FARS2: variants seen among roughly 807,000 people sequenced by gnomAD.
FARS2 encodes the protein phenylalanine--tRNA ligase, mitochondrial.
A neutral mutation model predicts 46.4 loss-of-function variants in FARS2; 40 were observed. The ratio of observed to expected loss-of-function variants is 0.86; its 90% confidence interval spans 0.67 to 1.12. The LOEUF is 1.12. Ranked by LOEUF, FARS2 falls within the 50% of genes most tolerant of loss-of-function variation. The probability of loss-of-function intolerance (pLI) is 0.00; values close to 1 mark genes in which losing one functional copy is unlikely to be tolerated. For missense variants in FARS2, 513 were observed against 567.9 expected, an observed-to-expected ratio of 0.90 and a Z score of 0.98; for synonymous variants, 234 against 214.9, an observed-to-expected ratio of 1.09 and a Z score of -0.78.
At chr6:5,354,681 C>T (rs1490232946) in intron 1 of FARS2, among the ~76,000 whole-genome samples, 2 of 151,640 alleles carry the variant, frequency 1.3e-5, no homozygotes, top group Non-Finnish European at 2.9e-5. Context: ...GCCCAGCTAA[C>T]TTTTTGTATT....
chr6:5,341,225 ATATATATATATTTTTT>A (rs1295645973), intron 1 of FARS2, among the ~76,000 whole-genome samples: 1 of 4,872 alleles, frequency 2.1e-4, no homozygotes, highest in African/African-American at 9.4e-4. Flanking sequence ...ATATATATAT[ATATATATATATTTTTT>A]TTTTTTTTTT....
rs539226312 is a variant in FARS2, at chr6:5,311,353, A to G, written c.-22+49693A>G. 9.8e-5 allele frequency among the ~76,000 whole-genome samples: 15 copies of G among 152,302 alleles called. No individual in the cohort carries two copies. The highest frequency in any genetic ancestry group is 3.4e-4 in the African/African-American group (14 of 41,560). On this transcript the variant is annotated intron_variant, in intron 1 of 6. Coordinates refer to ENST00000274680, the MANE Select transcript of FARS2 (RefSeq NM_006567.5). The surrounding 1 kb of genome is among the most constrained non-coding windows in gnomAD (Gnocchi z 4.1). ...AAGGGATCACAGGAAACTTTTAGGA[A>G]AGGTCGCAAAAGCCACTGAGTTGGA...
chr6:5,763,027 A>G (rs745990035), intron 6 of FARS2, among the ~76,000 whole-genome samples: 1 of 152,108 alleles, frequency 6.6e-6, no homozygotes, highest in Non-Finnish European at 1.5e-5. Flanking sequence ...AAGGGAATAG[A>G]TGGAGGGGGC....
intron 1 of FARS2, among the ~76,000 whole-genome samples, chr6:5,299,876 C>T (rs1768169976): frequency 1.3e-5 from 2 of 152,140 alleles, no homozygotes; most frequent in South Asian, 2.1e-4. Flanking sequence ...TTCCAGTTTA[C>T]AGATTATAGG....
rs77812945 is a variant in FARS2, at chr6:5,716,358, G to A, written c.1218-54933G>A. Among the ~76,000 whole-genome samples the A allele has an allele frequency of 1.2e-3, 175 of 152,092 alleles. 3 individuals are homozygous for A. The East Asian group carries it at 0.023, about 20-fold the overall frequency. On this transcript the variant is annotated intron_variant, in intron 6 of 6. Transcript: ENST00000274680. ...TACATTTGGTTAATATTTATCTTGG[G>A]GGTCTTGTTTTTTTTCCAGCTCAGG...
At chr6:5,566,926 A>G (rs1380102064) in intron 5 of FARS2, among the ~76,000 whole-genome samples, 2 of 152,358 alleles carry the variant, frequency 1.3e-5, no homozygotes, top group East Asian at 3.9e-4. Context: ...TGAAACTGTC[A>G]TTGCAAAACT....
intron 4 of FARS2, 95 bp downstream of exon 4, chr6:5,431,267 T>A (rs1173526642): frequency 1.0e-5 from 13 of 1,257,024 alleles, no homozygotes; most frequent in Admixed American, 3.7e-5. Context: ...TTTACATACT[T>A]CTATGCGGGC....
At chr6:5,457,120 G>A (rs534349308) in intron 4 of FARS2, 54 of 152,534 alleles carry the variant, frequency 3.5e-4, no homozygotes, top group African/African-American at 1.3e-3. Context: ...CACGTCAGTG[G>A]GCAAGCTGGC....
At chr6:5,517,463 A>C (rs1162023491) in intron 4 of FARS2, among the ~76,000 whole-genome samples, 2 of 152,036 alleles carry the variant, frequency 1.3e-5, no homozygotes, top group Non-Finnish European at 2.9e-5. Flanking sequence ...AAATACAAAA[A>C]TTAGCCTTGT....
intron 1 of FARS2, among the ~76,000 whole-genome samples, chr6:5,357,759 G>T (rs1758031477): frequency 6.6e-6 from 1 of 152,236 alleles, no homozygotes; most frequent in South Asian, 2.1e-4. Context: ...TAGGAGTCAG[G>T]TGAACCTGGT....
chr6:5,545,073 C>T, intron 4 of FARS2, 107 bp from the exon 5 acceptor site: 2 of 1,074,834 alleles, frequency 1.9e-6, no homozygotes, highest in African/African-American at 1.6e-5. Flanking sequence ...GTGCCTTTGC[C>T]CGCTGGTAGG....
intron 6 of FARS2, among the ~76,000 whole-genome samples, chr6:5,634,077 C>T (rs888209788): frequency 1.3e-5 from 2 of 152,086 alleles, no homozygotes; most frequent in African/African-American, 2.4e-5. Context: ...TCTTATCCAT[C>T]AAAAGATTAT....
intron 1 of FARS2, among the ~76,000 whole-genome samples, chr6:5,314,088 G>A (rs954598300): frequency 2.0e-5 from 3 of 152,148 alleles, no homozygotes; most frequent in South Asian, 2.1e-4. Context: ...TTATGGCATC[G>A]AGGAACCACT....
intron 6 of FARS2, among the ~76,000 whole-genome samples, chr6:5,735,564 G>A (rs1347540713): frequency 5.3e-5 from 8 of 152,324 alleles, no homozygotes; most frequent in Admixed American, 3.9e-4. Flanking sequence ...AAGATGTGAA[G>A]TGTCAGCACA....
chr6:5,257,201 C>A (rs534159011), upstream of FARS2, among the ~76,000 whole-genome samples: 1 of 152,250 alleles, frequency 6.6e-6, no homozygotes, highest in East Asian at 1.9e-4. Flanking sequence ...GCACGGCCCC[C>A]AGGCCCTCAA....
At chr6:5,627,124 A>C (rs995227222) in intron 6 of FARS2, among the ~76,000 whole-genome samples, 1 of 152,232 alleles carries the variant, frequency 6.6e-6, no homozygotes, top group Non-Finnish European at 1.5e-5. Flanking sequence ...ACTGGGTGAT[A>C]GGTAGCTTTC....
intron 6 of FARS2, among the ~76,000 whole-genome samples, chr6:5,628,621 G>A (rs961411890): frequency 6.6e-6 from 1 of 152,246 alleles, no homozygotes; most frequent in Non-Finnish European, 1.5e-5. Context: ...TACTCCTCCA[G>A]CGGCTGAAGC....
chr6:5,613,848 A>G (rs1354809384), intron 6 of FARS2, among the ~76,000 whole-genome samples: 3 of 152,192 alleles, frequency 2.0e-5, no homozygotes, highest in Non-Finnish European at 4.4e-5. Flanking sequence ...ATGAGGGAAA[A>G]ATGCATTGGG....
At chr6:5,539,877 CAG>C (rs1030731042) in intron 4 of FARS2, among the ~76,000 whole-genome samples, 19 of 152,290 alleles carry the variant, frequency 1.2e-4, no homozygotes, top group African/African-American at 4.6e-4. Context: ...CCGTGTTCTG[CAG>C]ATGTGATTTC....
Sources: gnomAD v4.1 joint callset for allele counts (sites outside exome capture counted in the v4.1 genomes callset) on GRCh38, gnomAD v4.1.1 for gene constraint, Gnocchi (gnomAD v3.1) non-coding constraint, MANE v1.5 for transcripts, NCBI Gene and HGNC (gene_info 2026-07-23, HGNC 2026-07-21) for gene names.